Variants in MAP7D2 observed in about 807,000 individuals in gnomAD.
The protein encoded by MAP7D2 is MAP7 domain containing 2, also known as MAP7 domain-containing protein 2.
In MAP7D2, 33 loss-of-function variants were observed where a neutral mutation model predicts 63.5. The observed-to-expected ratio is 0.52, with a 90% CI of 0.39 to 0.70. The LOEUF (loss-of-function observed/expected upper bound fraction) is 0.70, where lower values mean the gene tolerates loss of function less well. Ranked by LOEUF, MAP7D2 falls within the 30% of genes least tolerant of loss-of-function variation. The pLI is 0.00. For synonymous variants in MAP7D2, 224 were observed against 223.7 expected (o/e 1.00, Z -0.01); for missense variants, 626 against 604.0 (o/e 1.04, Z -0.38).
In MAP7D2 at chrX:20,013,590, A is replaced by C. The variant is rs1399861541; in HGVS notation, c.1785T>G (p.Ser595Arg). The change falls in exon 13 of 17, where the codon AGT (serine) becomes AGG (arginine). Residue 595 changes from serine (S) to arginine (R), a missense_variant. Physicochemically the swap from Ser to Arg is moderately radical, Grantham distance 110. Coordinates refer to ENST00000379643, the MANE Select transcript of MAP7D2 (RefSeq NM_001168465.2). ...CTACCTTCACTTGTGGAGACACATC[A>C]CTTTTCCTTGTTCTCTTCATGATTT... ...IDEIMKRTRK[S>R]DVSPQVKKED... The C allele has an allele frequency of 4.2e-6, 5 of 1,197,957 alleles. No individual in the cohort carries two copies. In the East Asian group the frequency reaches 1.5e-4, roughly 36 times the overall value.
chrX:20,018,696 G>T (rs190100040), intron 10 of MAP7D2, among the ~76,000 whole-genome samples: 3 of 110,743 alleles, frequency 2.7e-5, no homozygotes, highest in African/African-American at 9.8e-5. Flanking sequence ...GCCTGCCTTG[G>T]CCTCCCAAAG....
intron 1 of MAP7D2, among the ~76,000 whole-genome samples, chrX:20,113,849 T>C (rs936054719): frequency 8.9e-5 from 10 of 111,839 alleles, no homozygotes; most frequent in African/African-American, 2.3e-4. Flanking sequence ...GTCATACTAG[T>C]AGTTATTTTT....
intron 1 of MAP7D2, among the ~76,000 whole-genome samples, chrX:20,082,078 C>A (rs1477786805): frequency 8.9e-6 from 1 of 112,355 alleles, no homozygotes; most frequent in Non-Finnish European, 1.9e-5. Context: ...AGTTACACCA[C>A]TGAGTCCAGA....
intron 1 of MAP7D2, among the ~76,000 whole-genome samples, chrX:20,069,112 A>G (rs1329913290): frequency 8.9e-6 from 1 of 111,984 alleles, no homozygotes; most frequent in African/African-American, 3.2e-5. Context: ...TTCCAAAAGA[A>G]AGTCTTTATG....
chrX:20,089,442 C>T (rs2066006458), intron 1 of MAP7D2, among the ~76,000 whole-genome samples: 1 of 112,053 alleles, frequency 8.9e-6, no homozygotes, highest in Admixed American at 9.5e-5. Context: ...TCTAAAGACC[C>T]TTCCAACAAT....
intron 1 of MAP7D2, among the ~76,000 whole-genome samples, chrX:20,065,839 T>C (rs944007594): frequency 1.3e-4 from 15 of 112,075 alleles, no homozygotes; most frequent in Non-Finnish European, 2.8e-4. Flanking sequence ...ATGATCATTT[T>C]AGGATTACAA....
chrX:20,081,931 T>C (rs1255682756), intron 1 of MAP7D2, among the ~76,000 whole-genome samples: 1 of 111,840 alleles, frequency 8.9e-6, no homozygotes, highest in African/African-American at 3.3e-5. Flanking sequence ...ATTACAGGCA[T>C]AACCCACCGC....
At chrX:20,061,936 T>C (rs2065234809) in intron 3 of MAP7D2, among the ~76,000 whole-genome samples, 2 of 111,664 alleles carry the variant, frequency 1.8e-5, no homozygotes, top group Admixed American at 1.9e-4. Flanking sequence ...GAATGGAGGA[T>C]GGGAAGAAAA....
At chrX:20,113,480 G>A (rs2066801989) in intron 1 of MAP7D2, among the ~76,000 whole-genome samples, 1 of 111,579 alleles carries the variant, frequency 9.0e-6, no homozygotes, top group South Asian at 3.7e-4. Context: ...TCCTGACCTC[G>A]TGATCCGCCC....
In MAP7D2 at chrX:20,064,818, A is replaced by C. The variant is rs770051703; in HGVS notation, c.131-13T>G. ...AATCCCTCCATGCCTACAAAGGAGA[A>C]AACTAGATTATGTTTCAGTTCTTCA... On this transcript the variant is annotated splice_polypyrimidine_tract_variant and intron_variant, in intron 1 of 16. Coordinates refer to ENST00000379643, the MANE Select transcript of MAP7D2 (RefSeq NM_001168465.2). The C allele has an allele frequency of 2.5e-6, 3 of 1,186,284 alleles. No individual in the cohort carries two copies. The highest frequency in any genetic ancestry group is 3.4e-6 in the Non-Finnish European group (3 of 874,139).
At chrX:20,101,218 A>T (rs1317587101) in intron 1 of MAP7D2, among the ~76,000 whole-genome samples, 2 of 112,047 alleles carry the variant, frequency 1.8e-5, no homozygotes, top group East Asian at 5.6e-4. Context: ...ATAAGAAATG[A>T]ATACAAGCCA....
intron 10 of MAP7D2, among the ~76,000 whole-genome samples, chrX:20,018,339 C>T (rs902594559): frequency 2.7e-5 from 3 of 110,065 alleles, no homozygotes; most frequent in African/African-American, 9.9e-5. Context: ...CCTTATGGCC[C>T]CTGAACCTCC....
chrX:20,080,459 G>T (rs1305290012), intron 1 of MAP7D2, among the ~76,000 whole-genome samples: 1 of 110,751 alleles, frequency 9.0e-6, no homozygotes, highest in Non-Finnish European at 1.9e-5. Context: ...ACATGGACAG[G>T]GCAGCAAGGG....
intron 1 of MAP7D2, chrX:20,116,451 C>T (rs1422887478): frequency 1.2e-5 from 6 of 513,571 alleles, no homozygotes; most frequent in Admixed American, 8.2e-5. Flanking sequence ...GGGACTGGAC[C>T]CGCAGCACCC....
At chrX:20,112,442 C>A (rs961664195) in intron 1 of MAP7D2, among the ~76,000 whole-genome samples, 1 of 112,037 alleles carries the variant, frequency 8.9e-6, no homozygotes, top group African/African-American at 3.2e-5. Flanking sequence ...AAAACAAATG[C>A]TTCCCAACAG....
At position 20,116,803 on chromosome X, in the gene MAP7D2, T is replaced by C; in HGVS notation, c.77A>G (p.Lys26Arg). Residue 26 changes from lysine to arginine, a missense_variant, in exon 1 of 17, where the codon AAG becomes AGG. Physicochemically the swap from Lys to Arg is conservative, Grantham distance 26. Transcript: ENST00000379643. ...CCGCACCGCGCCCGGTTCTGCGATC[T>C]TCCCTGGGAGAGAGGTTCCCCGCGC... ...GTARGTSLPG[K>R]IAEPGAVRTS... 2 of 1,189,901 alleles carry C rather than the reference T, an allele frequency of 1.7e-6. No individual in the cohort carries two copies. The highest frequency in any genetic ancestry group is 1.8e-5 in the South Asian group (1 of 54,079).
intron 1 of MAP7D2, among the ~76,000 whole-genome samples, chrX:20,098,116 T>C (rs957067421): frequency 8.9e-6 from 1 of 111,846 alleles, no homozygotes; most frequent in Middle Eastern, 4.6e-3. Flanking sequence ...ACACGGATGA[T>C]AAGCTCCCCT....
chrX:20,084,731 G>A (rs952664740), intron 1 of MAP7D2, among the ~76,000 whole-genome samples: 1 of 109,867 alleles, frequency 9.1e-6, no homozygotes. Context: ...ACCACGCCCA[G>A]CTAATTTTTG....
chrX:20,107,160 G>A (rs780815068), intron 1 of MAP7D2, among the ~76,000 whole-genome samples: 2 of 111,318 alleles, frequency 1.8e-5, no homozygotes, highest in Admixed American at 1.9e-4. Context: ...CATCCTTGGA[G>A]AGGATTGTGA....
Sources: allele counts gnomAD v4.1 joint callset (sites outside exome capture counted in the v4.1 genomes callset), GRCh38; gene constraint gnomAD v4.1.1; transcripts MANE v1.5; gene names NCBI Gene and HGNC (gene_info 2026-07-23, HGNC 2026-07-21).